Variants in WDR11 observed in about 807,000 individuals in gnomAD.
The protein encoded by WDR11 is WD repeat domain 11, also known as WD repeat-containing protein 11.
Under a neutral mutation model 151.2 loss-of-function variants are expected in WDR11, and 83 were observed. The ratio of observed to expected loss-of-function variants is 0.55; its 90% CI spans 0.46 to 0.66. The LOEUF (loss-of-function observed/expected upper bound fraction) is 0.66, where lower values mean the gene tolerates loss of function less well. Among genes scored for constraint, WDR11 ranks in the 30% least tolerant of loss-of-function variants. The pLI, the probability that WDR11 is intolerant of heterozygous loss-of-function variation, is 0.00. For synonymous variants in WDR11, 484 were observed against 533.1 expected (o/e 0.91, Z 1.27); for missense variants, 1,301 against 1,480.9 (o/e 0.88, Z 1.99).
rs1437444294 is a variant in WDR11 at position 120,904,029 on chromosome 10, T to C, written c.2932-18T>C. 2 of 1,544,658 alleles carry C rather than the reference T, an allele frequency of 1.3e-6. No homozygotes were observed. The highest frequency in any genetic ancestry group is 1.8e-6 in the Non-Finnish European group (2 of 1,119,314). ...TCTTATAATCCAGGCTTAATTTTTC[T>C]TTTTTTTCCAATTCTAGAAATTTCA... On this transcript the variant is annotated intron_variant, in intron 23 of 28. Transcript: ENST00000263461.
chr10:120,855,256 G>T (rs1421708466), intron 2 of WDR11, among the ~76,000 whole-genome samples: 1 of 152,194 alleles, frequency 6.6e-6, no homozygotes, highest in Non-Finnish European at 1.5e-5. Context: ...CTGAGGGCAG[G>T]TGGTGTATAC....
Position 120,889,996 on chromosome 10 carries a change from G to A in WDR11, c.2330G>A (p.Trp777Ter). 1 of 1,610,144 alleles carries A rather than the reference G, an allele frequency of 6.2e-7. No homozygotes were observed. The highest frequency in any genetic ancestry group is 8.5e-7 in the Non-Finnish European group (1 of 1,176,568). ...ATGTACAATGATGGAGCTGAAGTGT[G>A]GGATACTAAAGAGGTAGGCCCTCTC... ...IAMYNDGAEV[W>*]DTKEVQMVSS... Residue 777 changes from tryptophan (W) to a stop codon, truncating the protein, a stop_gained, in exon 18 of 29, where the codon TGG becomes TAG. Transcript: ENST00000263461. LOFTEE classifies it high-confidence loss of function.
At chr10:120,862,999 G>A in intron 5 of WDR11, 78 bp downstream of exon 5, 1 of 951,606 alleles carries the variant, frequency 1.1e-6, no homozygotes, top group African/African-American at 1.7e-5. Flanking sequence ...TACAAAGACT[G>A]ATGTTTTTCT....
intron 21 of WDR11, among the ~76,000 whole-genome samples, chr10:120,901,940 T>C (rs1046246074): frequency 1.3e-5 from 2 of 152,214 alleles, no homozygotes; most frequent in African/African-American, 4.8e-5. Flanking sequence ...TGATGATTTT[T>C]TCAACAATGG....
At chr10:120,899,816 G>A in intron 19 of WDR11, 2 of 584,824 alleles carry the variant, frequency 3.4e-6, no homozygotes, top group East Asian at 2.8e-5. Flanking sequence ...CAAAAAAGGG[G>A]GAAAAGAAAA....
intron 9 of WDR11, chr10:120,868,802 A>C (rs922318663): frequency 1.3e-5 from 2 of 152,090 alleles, no homozygotes; most frequent in Non-Finnish European, 2.9e-5. Context: ...TTTTTTCACG[A>C]TTTCTGCCAG....
chr10:120,883,393 TAG>T (rs1035961979), intron 13 of WDR11, among the ~76,000 whole-genome samples: 1 of 152,206 alleles, frequency 6.6e-6, no homozygotes, highest in African/African-American at 2.4e-5. Context: ...AGTAGAATGA[TAG>T]AAACTTTACA....
Position 120,889,119 on chromosome 10 carries a change from T to C in WDR11, c.2163T>C (p.Asp721=). Reference sequence around the variant, plus strand: ...TTACCTGCATCGCTTGGAAAGGTGATACATTAGTGCTTGGAGATATGGATG... The same window carrying C: ...TTACCTGCATCGCTTGGAAAGGTGACACATTAGTGCTTGGAGATATGGATG... The part of the protein sequence containing the change: ...GSITCIAWKG[D]TLVLGDMDGN... The change falls in exon 17 of 29, where the codon GAT becomes GAC. Residue 721 remains aspartate (D), a synonymous_variant. Transcript: ENST00000263461. 1 of 1,614,076 alleles carries C rather than the reference T, an allele frequency of 6.2e-7. No homozygotes were observed. Among genetic ancestry groups the C allele is most frequent in the Non-Finnish European group, 8.5e-7 (1 of 1,179,962 alleles).
chr10:120,886,133 T>C lies in WDR11; in HGVS notation c.1973+195T>C, dbSNP rs7920066. Among the ~76,000 whole-genome samples, 9,345 of 152,262 alleles carry C rather than the reference T, an allele frequency of 0.061. 965 individuals carry two copies. The highest frequency in any genetic ancestry group is 0.21 in the African/African-American group (8,813 of 41,502). On this transcript the variant is annotated intron_variant, in intron 15 of 28. Transcript: ENST00000263461. Reference sequence around the variant, plus strand: ...ATTTTTAGTATTGTACTATACTGTTTGTTATAACTAATAACATATGCAGTA... The same window carrying C: ...ATTTTTAGTATTGTACTATACTGTTCGTTATAACTAATAACATATGCAGTA...
intron 14 of WDR11, among the ~76,000 whole-genome samples, chr10:120,884,264 A>AGTAT (rs1320880370): frequency 6.6e-6 from 1 of 152,192 alleles, no homozygotes; most frequent in Non-Finnish European, 1.5e-5. Context: ...TTACAAAACC[A>AGTAT]TGGAAATAAA....
chr10:120,905,979 T>C lies in WDR11; in HGVS notation c.3395T>C (p.Leu1132Pro), dbSNP rs1848025193. The C allele has an allele frequency of 6.2e-7, 1 of 1,613,958 alleles. No individual in the cohort carries two copies. Among genetic ancestry groups the C allele is most frequent in the Admixed American group, 1.7e-5 (1 of 59,990 alleles). The part of the protein sequence containing the change: ...NQKSKALLVL[L>P]SLGCFFSVAE... ...AAATCAAAGGCTCTCCTGGTTCTCC[T>C]CTCTCTGGGCTGCTTTTTTAGCGTG... is the stretch of plus-strand genomic sequence containing the variant. Residue 1132 changes from leucine (L) to proline (P), a missense_variant, in exon 27 of 29, where the codon CTC becomes CCC. By Grantham distance (98) the Leu-to-Pro change is moderately conservative (BLOSUM62 -3). Coordinates refer to ENST00000263461, the MANE Select transcript of WDR11 (RefSeq NM_018117.12).
chr10:120,906,560 T>C, intron 27 of WDR11: 1 of 1,410,284 alleles, frequency 7.1e-7, no homozygotes, highest in South Asian at 1.5e-5. Flanking sequence ...TATTTCACAA[T>C]TTTTTAAAGT....
rs1405578164 is a variant in WDR11 at position 120,908,219 on chromosome 10, A to G, written c.3518-337A>G. On this transcript the variant is annotated intron_variant, in intron 28 of 28. Transcript: ENST00000263461. ...ACTTTCAAATGGAATGAGGATATGC[A>G]GGTTAAGTTTCTCCTCTCTTATCAT... The G allele has an allele frequency of 4.2e-4, 137 of 328,972 alleles. 2 individuals are homozygous for G. In the Admixed American group the frequency reaches 5.4e-3, roughly 13 times the overall value. The allele number at this position is 328,972 out of a possible 1,614,324, so 20.4% of individuals were successfully genotyped here.
intron 19 of WDR11, among the ~76,000 whole-genome samples, chr10:120,893,806 A>G (rs1847508865): frequency 6.6e-6 from 1 of 151,270 alleles, no homozygotes; most frequent in East Asian, 1.9e-4. Flanking sequence ...GGCTGCATAA[A>G]TGTCTTCTTT....
chr10:120,908,645 G>A lies in WDR11; in HGVS notation c.3607G>A (p.Ala1203Thr), dbSNP rs747665599. The A allele has an allele frequency of 6.2e-6, 10 of 1,614,196 alleles. No homozygotes were observed. The highest frequency in any genetic ancestry group is 4.5e-5 in the East Asian group (2 of 44,886). ...GGGAGCAGTTCTCTTTGCTTCAAAA[G>A]CCGGAGCAGCTGGCAAAGACTTATT... ...KQGAVLFASK[A>T]GAAGKDLLNE... The change falls in exon 29 of 29, where the codon GCC becomes ACC. Residue 1203 changes from alanine (A) to threonine (T), a missense_variant. Ala to Thr is a moderately conservative substitution (Grantham distance 58, BLOSUM62 0). Transcript: ENST00000263461.
intron 6 of WDR11, 48 bp from the exon 7 acceptor site, chr10:120,865,575 ATATACTT>A: frequency 8.2e-7 from 1 of 1,213,836 alleles, no homozygotes; most frequent in South Asian, 1.3e-5. Context: ...GTTTCACAGT[ATATACTT>A]TATTAATCTA....
At position 120,865,636 on chromosome 10, in the gene WDR11, C is replaced by T; in HGVS notation, c.886C>T (p.Pro296Ser). 16 of 1,604,374 alleles carry T rather than the reference C, an allele frequency of 1.0e-5. No homozygotes were observed. The highest frequency in any genetic ancestry group is 1.4e-5 in the Non-Finnish European group (16 of 1,173,860). Residue 296 changes from proline to serine, a missense_variant, in exon 7 of 29, where the codon CCC becomes TCC. By Grantham distance (74) the Pro-to-Ser change is moderately conservative (BLOSUM62 -1). Transcript: ENST00000263461. ...RTGVPFLQVI[P>S]CFQRDGLFCL... ...ATATATCATCTATTTAAAGGTAATA[C>T]CCTGCTTTCAGCGTGATGGTTTATT...
intron 1 of WDR11, chr10:120,852,278 C>G (rs1394423921): frequency 8.8e-6 from 4 of 454,040 alleles, no homozygotes; most frequent in East Asian, 4.4e-5. Context: ...TTTATGTCCT[C>G]GGGTCTCTAT....
chr10:120,858,133 A>AT lies in WDR11; in HGVS notation c.199-497dup, dbSNP rs34379642. Among the ~76,000 whole-genome samples, 1,375 of 149,438 alleles carry AT rather than the reference A, an allele frequency of 9.2e-3. 19 individuals carry two copies. The highest frequency in any genetic ancestry group is 0.027 in the African/African-American group (1,089 of 40,940). On this transcript the variant is annotated intron_variant, in intron 2 of 28. Coordinates refer to ENST00000263461, the MANE Select transcript of WDR11 (RefSeq NM_018117.12). ...AATCATGTTGCTATAGGCATGAAGC[A>AT]TTTTTTTTTTTTTAGAGAAAAACTT...
Sources: gnomAD v4.1 joint callset for allele counts (sites outside exome capture counted in the v4.1 genomes callset) on GRCh38, gnomAD v4.1.1 for gene constraint, MANE v1.5 for transcripts, NCBI Gene and HGNC (gene_info 2026-07-23, HGNC 2026-07-21) for gene names.